The following SYTL2 variants were observed in gnomAD, a reference collection of about 807,000 sequenced individuals.
SYTL2 encodes the protein synaptotagmin like 2, also known as synaptotagmin-like protein 2.
SYTL2 carries 165 observed loss-of-function variants against 198.7 expected under a neutral mutation model. The observed-to-expected ratio is 0.83, with a 90% confidence interval of 0.73 to 0.94. SYTL2 has a LOEUF of 0.94. Among genes scored for constraint, SYTL2 ranks in the 40% least tolerant of loss-of-function variants. The probability of loss-of-function intolerance (pLI) is 0.00; values close to 1 mark genes in which losing one functional copy is unlikely to be tolerated. For missense variants in SYTL2, 2,835 were observed against 2,582.8 expected (o/e 1.10, Z -2.12); for synonymous variants, 966 against 917.7 (o/e 1.05, Z -0.95).
rs552636564 is a variant in SYTL2, at chr11:85,745,522, C to T, written c.389+115G>A. The T allele has an allele frequency of 1.1e-5, 13 of 1,190,306 alleles. No homozygotes were observed. The East Asian group carries it at 2.8e-4, about 26-fold the overall frequency. 73.7% of individuals were successfully genotyped at this position (1,190,306 alleles called of 1,614,324 possible). A position where few individuals can be genotyped will look rare whatever the true frequency, so the allele number is the denominator to read the frequency against. On this transcript the variant is annotated intron_variant, in intron 4 of 19. Transcript: ENST00000359152. ...GAATTCTCTCATACACTGCCCCTTC[C>T]CCATGCCCATGACCCCAGTCTGGCA... is the stretch of plus-strand genomic sequence containing the variant.
the SYTL2 span, among the ~76,000 whole-genome samples, chr11:85,816,700 A>G: frequency 6.6e-6 from 1 of 152,208 alleles, no homozygotes; most frequent in African/African-American, 2.4e-5. Context: ...GCTTGAGCAC[A>G]GGAGTTTGAG....
rs754055075 is a variant in SYTL2 at position 85,725,331 on chromosome 11, C to T, written c.4027G>A (p.Ala1343Thr). ...TCCGTTTGAGAAGGGTGTACCCTAG[C>T]CTGGGGAACAAGATGAGCATCCTGG... ...FPQDAHLVPQ[A>T]RVHPSQTEIS... is the part of the protein sequence containing the mutation. The change falls in exon 8 of 20, where the codon GCT becomes ACT. Residue 1343 changes from alanine (A) to threonine (T), a missense_variant. Ala to Thr is a moderately conservative substitution (Grantham distance 58). Coordinates refer to ENST00000359152, the MANE Select transcript of SYTL2 (RefSeq NM_206927.4). 1.9e-6 allele frequency: 3 copies of T among 1,613,948 alleles called. No individual in the cohort carries two copies. The highest frequency in any genetic ancestry group is 1.6e-4 in the Middle Eastern group (1 of 6,062).
intron 1 of SYTL2, among the ~76,000 whole-genome samples, chr11:85,798,372 C>A (rs1279962196): frequency 1.3e-5 from 2 of 152,204 alleles, no homozygotes; most frequent in Non-Finnish European, 2.9e-5. Context: ...TGCCTAAATA[C>A]ATAGCGTCTT....
chr11:85,781,881 A>G (rs1404380375), intron 1 of SYTL2, among the ~76,000 whole-genome samples: 1 of 152,096 alleles, frequency 6.6e-6, no homozygotes, highest in African/African-American at 2.4e-5. Context: ...CCCCCTCCCA[A>G]CTGCTTTCAC....
the SYTL2 span, among the ~76,000 whole-genome samples, chr11:85,837,888 G>A: frequency 6.6e-6 from 1 of 152,182 alleles, no homozygotes; most frequent in Admixed American, 6.5e-5. Context: ...TCTCAGTACT[G>A]TTGAAATTCA....
At chr11:85,828,616 A>G in the SYTL2 span, among the ~76,000 whole-genome samples, 1 of 152,240 alleles carries the variant, frequency 6.6e-6, no homozygotes, top group African/African-American at 2.4e-5. Flanking sequence ...TTCTCCCACA[A>G]TAATCCCTTT....
intron 1 of SYTL2, among the ~76,000 whole-genome samples, chr11:85,775,985 G>A (rs2092444731): frequency 6.6e-6 from 1 of 152,214 alleles, no homozygotes. Context: ...CCTAATGGCA[G>A]GTGTTTTGGT....
chr11:85,757,481 C>T, intron 2 of SYTL2, 144 bp downstream of exon 2: 1 of 905,560 alleles, frequency 1.1e-6, no homozygotes, highest in South Asian at 1.8e-5. Context: ...ATGTTTTGTC[C>T]AGGAAGTAAA....
chr11:85,845,674 C>T, the SYTL2 span, among the ~76,000 whole-genome samples: 4 of 151,990 alleles, frequency 2.6e-5, no homozygotes, highest in Non-Finnish European at 4.4e-5. Flanking sequence ...TTTGGGAGGC[C>T]GAGGTGGGCG....
At chr11:85,775,227 C>A (rs1343549365) in intron 1 of SYTL2, among the ~76,000 whole-genome samples, 1 of 152,152 alleles carries the variant, frequency 6.6e-6, no homozygotes, top group African/African-American at 2.4e-5. Context: ...TTCTTTTCTT[C>A]TTTCTGTCCC....
chr11:85,828,258 A>C, the SYTL2 span, among the ~76,000 whole-genome samples: 6 of 152,200 alleles, frequency 3.9e-5, no homozygotes, highest in African/African-American at 1.4e-4. Context: ...TGTTATACTA[A>C]ATTTTTTCTG....
chr11:85,849,065 T>C, the SYTL2 span, among the ~76,000 whole-genome samples: 2 of 152,214 alleles, frequency 1.3e-5, no homozygotes, highest in Non-Finnish European at 1.5e-5. Flanking sequence ...TAATACAATA[T>C]TGCAACGTGA....
At chr11:85,820,170 A>C in the SYTL2 span, among the ~76,000 whole-genome samples, 2 of 152,240 alleles carry the variant, frequency 1.3e-5, no homozygotes, top group Non-Finnish European at 2.9e-5. Context: ...CAACTTTATC[A>C]CCAATAGAAA....
intron 1 of SYTL2, among the ~76,000 whole-genome samples, chr11:85,807,535 A>G (rs2092974230): frequency 6.6e-6 from 1 of 152,252 alleles, no homozygotes; most frequent in African/African-American, 2.4e-5. Flanking sequence ...AGTGGAAACC[A>G]GCTCAGAGAA....
chr11:85,714,629 GGCAGAGTAGTCCACAT>G, intron 11 of SYTL2, 122 bp from the exon 12 acceptor site: 2 of 1,448,462 alleles, frequency 1.4e-6, no homozygotes, highest in Non-Finnish European at 1.8e-6. Context: ...AAAAGTTAAA[GGCAGAGTAGTCCACAT>G]GCACAGGATC....
intron 1 of SYTL2, among the ~76,000 whole-genome samples, chr11:85,795,173 G>C (rs2092785078): frequency 6.6e-6 from 1 of 152,052 alleles, no homozygotes; most frequent in African/African-American, 2.4e-5. Flanking sequence ...ACTTATATTA[G>C]CTAATATAAG....
At chr11:85,843,857 G>A in the SYTL2 span, among the ~76,000 whole-genome samples, 474 of 152,226 alleles carry the variant, frequency 3.1e-3, 2 homozygotes, top group Non-Finnish European at 4.6e-3. Context: ...ACACAGAAAG[G>A]TAGAGTAACT....
chr11:85,734,198 C>G lies in SYTL2; in HGVS notation c.1131G>C (p.Glu377Asp), dbSNP rs772015295. The change falls in exon 7 of 20, where the codon GAG becomes GAC. Residue 377 changes from glutamate to aspartate, a missense_variant. Coordinates refer to ENST00000359152, the MANE Select transcript of SYTL2 (RefSeq NM_206927.4). ...NGMEDAGDTEEFQSDPKPSQY... is the reference protein window; with the variant it reads ...NGMEDAGDTEDFQSDPKPSQY... ...GAGAAGGCTTAGGGTCACTCTGAAA[C>G]TCTTCTGTGTCCCCTGCATCTTCCA... 3 of 1,614,186 alleles carry G rather than the reference C, an allele frequency of 1.9e-6. No individual in the cohort carries two copies. Among genetic ancestry groups the G allele is most frequent in the South Asian group, 2.2e-5 (2 of 91,086 alleles).
intron 2 of SYTL2, among the ~76,000 whole-genome samples, chr11:85,755,908 A>T (rs2091838679): frequency 6.6e-6 from 1 of 152,192 alleles, no homozygotes; most frequent in Non-Finnish European, 1.5e-5. Flanking sequence ...GCAGGGGCCC[A>T]CATCCTGAGG....
Sources: gnomAD v4.1 joint callset for allele counts (sites outside exome capture counted in the v4.1 genomes callset) on GRCh38, gnomAD v4.1.1 for gene constraint, MANE v1.5 for transcripts, NCBI Gene and HGNC (gene_info 2026-07-23, HGNC 2026-07-21) for gene names.